USP35: variants seen among roughly 807,000 people sequenced by gnomAD.
USP35 encodes the protein ubiquitin specific peptidase 35, also known as ubiquitin carboxyl-terminal hydrolase 35.
A neutral mutation model predicts 83.8 loss-of-function variants in USP35; 69 were observed. The observed-to-expected ratio is 0.82, with a 90% CI of 0.68 to 1.01. USP35 has a LOEUF of 1.01. Ranked by LOEUF, USP35 falls within the 50% of genes least tolerant of loss-of-function variation. The pLI is 0.00. For missense variants in USP35, 1,503 were observed against 1,362.5 expected (o/e 1.10, Z -1.62); for synonymous variants, 714 against 589.5 (o/e 1.21, Z -3.06).
rs1863686645 is a variant in USP35 at position 78,209,982 on chromosome 11, G to A, written c.2127G>A (p.Glu709=). 1.2e-6 allele frequency: 2 copies of A among 1,613,104 alleles called. No individual in the cohort carries two copies. Among genetic ancestry groups the A allele is most frequent in the East Asian group, 4.5e-5 (2 of 44,858 alleles). ...GAGGGGAAGGAGAGAGGGAGAAAGA[G>A]GAGGAGGTGGAAGAGGAAGAAGAGA... ...STRGEGEREK[E]EEVEEEEEKV... The change falls in exon 10 of 11, where the codon GAG becomes GAA. Residue 709 remains glutamate (E), a synonymous_variant. Transcript: ENST00000529308.
chr11:78,209,693 C>A lies in USP35; in HGVS notation c.1838C>A (p.Ser613Tyr). 6.2e-7 allele frequency: 1 copy of A among 1,613,954 alleles called. No homozygotes were observed. Among genetic ancestry groups the A allele is most frequent in the Non-Finnish European group, 8.5e-7 (1 of 1,179,904 alleles). Residue 613 changes from serine (S) to tyrosine (Y), a missense_variant, in exon 10 of 11, where the codon TCT (serine) becomes TAT (tyrosine). By Grantham distance (144) the Ser-to-Tyr change is moderately radical. Transcript: ENST00000529308. ...PERCRRRRLG[S>Y]VMRPTEDITA... ...CGCTGTCGCCGCCGCCGCCTGGGCTCTGTGATGCGCCCCACAGAAGACATC... is the reference window on the plus strand; with the variant it reads ...CGCTGTCGCCGCCGCCGCCTGGGCTATGTGATGCGCCCCACAGAAGACATC...
In USP35 at chr11:78,214,260, T is replaced by C. The variant is rs1413866746; in HGVS notation, c.*447T>C. 7.8e-6 allele frequency: 1 copy of C among 127,418 alleles called. No homozygotes were observed. The highest frequency in any genetic ancestry group is 3.3e-5 in the African/African-American group (1 of 30,758). 7.9% of individuals were successfully genotyped at this position (127,418 alleles called of 1,614,324 possible). On this transcript the variant is annotated 3_prime_UTR_variant, in exon 11 of 11. Transcript: ENST00000529308. ...GGGGTGGGGGGGGCAGTGTCTCCTC[T>C]GGCTGTCCTGTTTGTTTGTTTCTCA...
chr11:78,236,890 C>T, the USP35 span, among the ~76,000 whole-genome samples: 1 of 152,034 alleles, frequency 6.6e-6, no homozygotes, highest in Non-Finnish European at 1.5e-5. Flanking sequence ...ATATATTGTC[C>T]CAAACAGACA....
At chr11:78,226,525 C>A in the USP35 span, 2 of 1,611,254 alleles carry the variant, frequency 1.2e-6, no homozygotes, top group African/African-American at 1.4e-5. Context: ...ATGGTGGCAG[C>A]GACAGATCTG....
At chr11:78,219,548 C>T (rs1864313998), downstream of USP35, 5 of 757,730 alleles carry the variant, frequency 6.6e-6, 1 homozygote, top group South Asian at 8.5e-5. Context: ...CACTGACCAG[C>T]CTCAGGAGCC....
At position 78,197,908 on chromosome 11, in the gene USP35, C is replaced by T. The variant is rs780419050; in HGVS notation, c.674-28C>T. The T allele has an allele frequency of 1.9e-6, 3 of 1,609,666 alleles. No homozygotes were observed. The Admixed American group carries it at 5.0e-5, about 27-fold the overall frequency. On this transcript the variant is annotated intron_variant, in intron 2 of 10. Coordinates refer to ENST00000529308, the MANE Select transcript of USP35 (RefSeq NM_020798.4). ...GGGAAGGGAGGGGCCTGCCTCCCTGCTAAGCTCAGCCCTGTCCCCTGTTCC... is the reference window on the plus strand; with the variant it reads ...GGGAAGGGAGGGGCCTGCCTCCCTGTTAAGCTCAGCCCTGTCCCCTGTTCC...
At chr11:78,203,639 C>T (rs892250425) in intron 6 of USP35, among the ~76,000 whole-genome samples, 1 of 151,414 alleles carries the variant, frequency 6.6e-6, no homozygotes, top group Admixed American at 6.6e-5. Context: ...AGTGCAGTGG[C>T]GTGATCTCGG....
chr11:78,225,269 T>C, the USP35 span: 1 of 1,044,562 alleles, frequency 9.6e-7, no homozygotes, highest in South Asian at 1.3e-5. Context: ...ACCCATACCC[T>C]CACCAGTGTG....
the USP35 span, among the ~76,000 whole-genome samples, chr11:78,236,104 G>T: frequency 6.6e-6 from 1 of 152,130 alleles, no homozygotes; most frequent in Non-Finnish European, 1.5e-5. Flanking sequence ...CCATATTTAG[G>T]TCTTTAATTT....
chr11:78,199,940 C>G (rs966639578), intron 4 of USP35, among the ~76,000 whole-genome samples, 193 bp from the exon 5 acceptor site: 7 of 152,190 alleles, frequency 4.6e-5, no homozygotes, highest in Admixed American at 3.9e-4. Context: ...GTGTGTCCAT[C>G]CATTCCTCAG....
rs1213622254 is a variant in USP35, at chr11:78,200,516, TG to T, written c.1039-131del. On this transcript the variant is annotated intron_variant, in intron 5 of 10. Coordinates refer to ENST00000529308, the MANE Select transcript of USP35 (RefSeq NM_020798.4). ...TGCCTGCAGAGCTCAGAGCCCCATC[TG>T]GGTCAGGGGACAGTGGTCAGGTGGG... The T allele has an allele frequency of 7.6e-6, 10 of 1,318,012 alleles. No individual in the cohort carries two copies. The African/African-American group carries it at 1.2e-4, about 16-fold the overall frequency. The allele number at this position is 1,318,012 out of a possible 1,614,324, so 81.6% of individuals were successfully genotyped here.
In USP35 at chr11:78,213,813, A is replaced by G. The variant is rs763230980; in HGVS notation, c.3057A>G (p.Ter1019=). The change falls in exon 11 of 11, where the codon TAA becomes TAG. Residue 1019 remains the stop codon, a stop_retained_variant. Coordinates refer to ENST00000529308, the MANE Select transcript of USP35 (RefSeq NM_020798.4). The stretch of plus-strand genomic sequence containing the variant: ...GTGACTTCCACAGACTGGTCTTCTA[A>G]TGTGAACCTGCTGCCAACCTGACCC... The part of the protein sequence containing the change: ...NGGDFHRLVF[*] The G allele has an allele frequency of 1.9e-6, 3 of 1,553,262 alleles. No individual in the cohort carries two copies. The highest frequency in any genetic ancestry group is 2.6e-6 in the Non-Finnish European group (3 of 1,157,694).
Position 78,204,179 on chromosome 11 carries a change from C to T in USP35, c.1198-1663C>T, listed in dbSNP as rs899982387. Among the ~76,000 whole-genome samples the T allele has an allele frequency of 9.2e-5, 14 of 152,288 alleles. No homozygotes were observed. The East Asian group carries it at 2.1e-3, about 23-fold the overall frequency. ...TGCTGGGATTACAGGCGTGAGCCAC[C>T]GCGCCCGGCCTATTTTTCTTTGAAT... On this transcript the variant is annotated intron_variant, in intron 6 of 10. Transcript: ENST00000529308.
the USP35 span, chr11:78,226,533 C>T: frequency 1.9e-6 from 3 of 1,566,804 alleles, no homozygotes; most frequent in East Asian, 4.8e-5. Context: ...AGCGACAGAT[C>T]TGCTATTTTC....
intron 10 of USP35, among the ~76,000 whole-genome samples, chr11:78,213,379 C>A (rs75571061): frequency 8.8e-4 from 134 of 152,286 alleles, no homozygotes; most frequent in African/African-American, 3.1e-3. Flanking sequence ...TCAGACCTCT[C>A]GGTACCACAT....
At chr11:78,204,918 C>T (rs569265744) in intron 6 of USP35, among the ~76,000 whole-genome samples, 35 of 152,344 alleles carry the variant, frequency 2.3e-4, no homozygotes, top group African/African-American at 7.7e-4. Flanking sequence ...ACTGGGGAGA[C>T]GAGGGCTTTG....
In USP35 at chr11:78,205,958, G is replaced by A. The variant is rs769649713; in HGVS notation, c.1314G>A (p.Thr438=). 6.2e-6 allele frequency: 10 copies of A among 1,614,244 alleles called. No individual in the cohort carries two copies. The highest frequency in any genetic ancestry group is 4.4e-5 in the South Asian group (4 of 91,086). Residue 438 remains threonine (T), a synonymous_variant, in exon 7 of 11, where the codon ACG becomes ACA. Coordinates refer to ENST00000529308, the MANE Select transcript of USP35 (RefSeq NM_020798.4). Reference sequence around the variant, plus strand: ...CCCGGCTCATGGCCAAGTCAGACACGGGCAAGATTGGTCTCATCAACCTGG... The same window carrying A: ...CCCGGCTCATGGCCAAGTCAGACACAGGCAAGATTGGTCTCATCAACCTGG... ...FYPRLMAKSD[T]GKIGLINLGN...
intron 6 of USP35, among the ~76,000 whole-genome samples, chr11:78,201,089 T>G (rs890192451): frequency 6.6e-6 from 1 of 152,220 alleles, no homozygotes; most frequent in Non-Finnish European, 1.5e-5. Context: ...TTAAAACACG[T>G]TCTCTTTCTC....
chr11:78,216,149 C>T (rs752620276), downstream of USP35: 54 of 152,768 alleles, frequency 3.5e-4, no homozygotes, highest in Non-Finnish European at 6.9e-4. Context: ...AATCCAACCT[C>T]CCATTCCACA....
Sources: gnomAD v4.1 joint callset for allele counts (sites outside exome capture counted in the v4.1 genomes callset) on GRCh38, gnomAD v4.1.1 for gene constraint, MANE v1.5 for transcripts, NCBI Gene and HGNC (gene_info 2026-07-23, HGNC 2026-07-21) for gene names.